Variants in BTN2A2 observed in about 807,000 individuals in gnomAD.
BTN2A2 encodes the protein butyrophilin subfamily 2 member A2, also known as butyrophilin 2.
In BTN2A2, 29 loss-of-function variants were observed where a neutral mutation model predicts 34.7. The observed-to-expected ratio is 0.84, with a 90% CI of 0.62 to 1.14. The LOEUF (loss-of-function observed/expected upper bound fraction) is 1.14. Ranked by LOEUF, BTN2A2 falls within the 50% of genes most tolerant of loss-of-function variation. The probability of loss-of-function intolerance (pLI) is 0.00; values close to 1 mark genes in which losing one functional copy is unlikely to be tolerated. For synonymous variants in BTN2A2, 240 were observed against 253.1 expected (o/e 0.95, Z 0.49); for missense variants, 612 against 651.5 (o/e 0.94, Z 0.66).
chr6:26,390,252 A>C, intron 5 of BTN2A2, 41 bp downstream of exon 5: 1 of 1,579,926 alleles, frequency 6.3e-7, no homozygotes, highest in Non-Finnish European at 8.6e-7. Flanking sequence ...ATAGAAAGAA[A>C]TTCAAAAAGA....
chr6:26,388,081 T>A lies in BTN2A2; in HGVS notation c.511T>A (p.Ser171Thr). The A allele has an allele frequency of 6.2e-7, 1 of 1,614,042 alleles. No homozygotes were observed. The highest frequency in any genetic ancestry group is 8.5e-7 in the Non-Finnish European group (1 of 1,179,990). The change falls in exon 4 of 8, where the codon TCT (serine) becomes ACT (threonine). Residue 171 changes from serine to threonine, a missense_variant. Coordinates refer to ENST00000356709, the MANE Select transcript of BTN2A2 (RefSeq NM_006995.5). The stretch of plus-strand genomic sequence containing the variant: ...TGGGAGCATCTGGCTGGAGTGCATA[T>A]CTGGAGGGTGGTACCCAGAGCCCCT... ...EDGSIWLECI[S>T]GGWYPEPLTV...
rs1156599160 is a variant in BTN2A2, at chr6:26,392,446, C to T, written c.1051C>T (p.Arg351Trp). Residue 351 changes from arginine to tryptophan, a missense_variant, in exon 8 of 8, where the codon CGG becomes TGG. Coordinates refer to ENST00000356709, the MANE Select transcript of BTN2A2 (RefSeq NM_006995.5). ...GTCAGAGGACCGGAGAAGTGTGAGG[C>T]GGGGCCCCTACAGGCAGAGAGTGCC... Reference protein sequence around the residue: ...FLSEDRRSVRRGPYRQRVPDN... With the variant: ...FLSEDRRSVRWGPYRQRVPDN... 1.1e-5 allele frequency: 18 copies of T among 1,614,088 alleles called. No individual in the cohort carries two copies. The highest frequency in any genetic ancestry group is 1.7e-5 in the Admixed American group (1 of 60,006).
chr6:26,383,891 C>T lies in BTN2A2; in HGVS notation c.70C>T (p.Leu24Phe). The change falls in exon 2 of 8, where the codon CTC becomes TTC. Residue 24 changes from leucine (L) to phenylalanine (F), a missense_variant. Leu to Phe is a conservative substitution (Grantham distance 22). Coordinates refer to ENST00000356709, the MANE Select transcript of BTN2A2 (RefSeq NM_006995.5). The surrounding 1 kb of genome is among the most constrained non-coding windows in gnomAD (Gnocchi z 4.4). ...CCTCCTCCTCCTGCTCCTCCTCCTT[C>T]TCAGCCTGTGTGCACTGGTCTCAGG... ...SLLLLLLLLL[L>F]SLCALVSAQF... is the part of the protein sequence containing the mutation. The T allele has an allele frequency of 6.2e-7, 1 of 1,614,190 alleles. No homozygotes were observed. Among genetic ancestry groups the T allele is most frequent in the Non-Finnish European group, 8.5e-7 (1 of 1,180,028 alleles).
chr6:26,386,534 G>A (rs9467745), intron 3 of BTN2A2, among the ~76,000 whole-genome samples: 45,644 of 152,028 alleles, frequency 0.3, 9,531 homozygotes, highest in African/African-American at 0.6. Context: ...ACAGAATATC[G>A]TGGATGGAGG....
At position 26,388,186 on chromosome 6, in the gene BTN2A2, A is replaced by C. The variant is rs778014794; in HGVS notation, c.616A>C (p.Met206Leu). 2.5e-6 allele frequency: 4 copies of C among 1,614,168 alleles called. No homozygotes were observed. The highest frequency in any genetic ancestry group is 2.2e-5 in the East Asian group (1 of 44,892). Residue 206 changes from methionine to leucine, a missense_variant, in exon 4 of 8, where the codon ATG becomes CTG. By Grantham distance (15) the Met-to-Leu change is conservative. Transcript: ENST00000356709. ...VSIADADGLF[M>L]VTTAVIIRDK... Reference sequence around the variant, plus strand: ...CATCGCTGATGCTGACGGCCTCTTCATGGTCACCACAGCTGTGATCATCAG... The same window carrying C: ...CATCGCTGATGCTGACGGCCTCTTCCTGGTCACCACAGCTGTGATCATCAG...
rs1404570557 is a variant in BTN2A2 at position 26,384,868 on chromosome 6, A to C, written c.95-147A>C. Reference sequence around the variant, plus strand: ...GCTACTGGTCCCCAGAAGGGTTCTCAGCCCAAGAACCCCTGTAGCCTTGGA... The same window carrying C: ...GCTACTGGTCCCCAGAAGGGTTCTCCGCCCAAGAACCCCTGTAGCCTTGGA... On this transcript the variant is annotated intron_variant, in intron 2 of 7. Coordinates refer to ENST00000356709, the MANE Select transcript of BTN2A2 (RefSeq NM_006995.5). This position sits in a 1 kb window ranked among gnomAD's most constrained non-coding sequence, Gnocchi z 4.0. The C allele has an allele frequency of 2.3e-6, 2 of 874,026 alleles. No homozygotes were observed. The highest frequency in any genetic ancestry group is 3.4e-6 in the Non-Finnish European group (2 of 582,660). The allele number at this position is 874,026 out of a possible 1,614,324, so 54.1% of individuals were successfully genotyped here.
intron 4 of BTN2A2, among the ~76,000 whole-genome samples, chr6:26,389,258 G>C (rs544228568): frequency 2.6e-5 from 4 of 152,204 alleles, no homozygotes; most frequent in Non-Finnish European, 5.9e-5. Flanking sequence ...AGAGAAAATA[G>C]AGAGTTCCAG....
In BTN2A2 at chr6:26,390,001, T is replaced by G; in HGVS notation, c.725-4T>G. 1.2e-6 allele frequency: 2 copies of G among 1,610,238 alleles called. No individual in the cohort carries two copies. The highest frequency in any genetic ancestry group is 1.7e-6 in the Non-Finnish European group (2 of 1,178,308). On this transcript the variant is annotated splice_polypyrimidine_tract_variant and splice_region_variant and intron_variant, in intron 4 of 7. Transcript: ENST00000356709. ...TAAATGGACTTTTCTGGCTGCCTTT[T>G]CAGAATCCTTTATGCCCAGCGCATC...
chr6:26,393,127 G>C lies in BTN2A2; in HGVS notation c.*160G>C. On this transcript the variant is annotated 3_prime_UTR_variant, in exon 8 of 8. Coordinates refer to ENST00000356709, the MANE Select transcript of BTN2A2 (RefSeq NM_006995.5). ...ACACCCACTCCAGCCCTCTGCCCCA[G>C]TTTTCTCCTCCTCACTAGTCTGTGG... is the stretch of plus-strand genomic sequence containing the variant. 4 of 1,606,676 alleles carry C rather than the reference G, an allele frequency of 2.5e-6. No homozygotes were observed. Among genetic ancestry groups the C allele is most frequent in the Non-Finnish European group, 3.4e-6 (4 of 1,176,392 alleles).
Position 26,393,361 on chromosome 6 carries a change from G to A in BTN2A2, c.*394G>A. 8.6e-7 allele frequency: 1 copy of A among 1,168,016 alleles called. No individual in the cohort carries two copies. 72.4% of individuals were successfully genotyped at this position (1,168,016 alleles called of 1,614,324 possible). Reference sequence around the variant, plus strand: ...TGAGGCCAACAGGGTTCACCAGGATGAGAGAGGAGAGAGGAATCCACAGGA... The same window carrying A: ...TGAGGCCAACAGGGTTCACCAGGATAAGAGAGGAGAGAGGAATCCACAGGA... On this transcript the variant is annotated 3_prime_UTR_variant, in exon 8 of 8. Coordinates refer to ENST00000356709, the MANE Select transcript of BTN2A2 (RefSeq NM_006995.5).
At position 26,384,950 on chromosome 6, in the gene BTN2A2, T is replaced by C; in HGVS notation, c.95-65T>C. ...TTTGTTTGTTTGTTTTTGTTTTTTG[T>C]TTTTTGTTTTGCCTTAGAGTTGTGA... is the stretch of plus-strand genomic sequence containing the variant. On this transcript the variant is annotated intron_variant, in intron 2 of 7. Coordinates refer to ENST00000356709, the MANE Select transcript of BTN2A2 (RefSeq NM_006995.5). This position sits in a 1 kb window ranked among gnomAD's most constrained non-coding sequence, Gnocchi z 4.0. The C allele has an allele frequency of 6.7e-7, 1 of 1,485,768 alleles. No individual in the cohort carries two copies. The highest frequency in any genetic ancestry group is 9.1e-7 in the Non-Finnish European group (1 of 1,101,210). The allele number at this position is 1,485,768 out of a possible 1,614,324, so 92.0% of individuals were successfully genotyped here.
chr6:26,384,157 T>A lies in BTN2A2; in HGVS notation c.94+242T>A, dbSNP rs953316858. The stretch of plus-strand genomic sequence containing the variant: ...ACTTTTTATTTATTTGTTTATTTAT[T>A]TAAGAGAGAGTATATTGCTCTGTTG... On this transcript the variant is annotated intron_variant, in intron 2 of 7. Coordinates refer to ENST00000356709, the MANE Select transcript of BTN2A2 (RefSeq NM_006995.5). The surrounding 1 kb of genome is among the most constrained non-coding windows in gnomAD (Gnocchi z 4.0). 2.0e-5 allele frequency among the ~76,000 whole-genome samples: 3 copies of A among 152,318 alleles called. No homozygotes were observed. Among genetic ancestry groups the A allele is most frequent in the Admixed American group, 1.3e-4 (2 of 15,306 alleles).
rs1761002228 is a variant in BTN2A2 at position 26,383,705 on chromosome 6, A to T, written c.-30-87A>T. ...TCCCAGAAGTTGGGGCACCGATGAGACCTACTTGAGTGACAGGAGAGGTTG... is the reference window on the plus strand; with the variant it reads ...TCCCAGAAGTTGGGGCACCGATGAGTCCTACTTGAGTGACAGGAGAGGTTG... On this transcript the variant is annotated intron_variant, in intron 1 of 7. Transcript: ENST00000356709. The surrounding 1 kb of genome is among the most constrained non-coding windows in gnomAD (Gnocchi z 4.4). 2.0e-6 allele frequency: 2 copies of T among 1,001,424 alleles called. No individual in the cohort carries two copies. The highest frequency in any genetic ancestry group is 3.1e-6 in the Non-Finnish European group (2 of 641,284). The allele number at this position is 1,001,424 out of a possible 1,614,324, so 62.0% of individuals were successfully genotyped here.
In BTN2A2 at chr6:26,383,772, C is replaced by G; in HGVS notation, c.-30-20C>G. 1 of 1,576,920 alleles carries G rather than the reference C, an allele frequency of 6.3e-7. No individual in the cohort carries two copies. The highest frequency in any genetic ancestry group is 8.7e-7 in the Non-Finnish European group (1 of 1,146,496). On this transcript the variant is annotated intron_variant, in intron 1 of 7. Transcript: ENST00000356709. This position sits in a 1 kb window ranked among gnomAD's most constrained non-coding sequence, Gnocchi z 4.4. ...AGGTGCCAAGACTCCTAGGCTGATT[C>G]TCCTCCTCTGTAACCCTAGGCCTCT...
chr6:26,391,022 A>C, intron 7 of BTN2A2, 193 bp downstream of exon 7: 1 of 760,682 alleles, frequency 1.3e-6, no homozygotes, highest in South Asian at 1.7e-5. Flanking sequence ...GCTCTTAATG[A>C]ACCCTGCAGT....
In BTN2A2 at chr6:26,388,235, C is replaced by A. The variant is rs145439434; in HGVS notation, c.665C>A (p.Ser222Tyr). 28 of 1,614,046 alleles carry A rather than the reference C, an allele frequency of 1.7e-5. No homozygotes were observed. In the East Asian group the frequency reaches 6.0e-4, roughly 35 times the overall value. The change falls in exon 4 of 8, where the codon TCC (serine) becomes TAC (tyrosine). Residue 222 changes from serine (S) to tyrosine (Y), a missense_variant. Transcript: ENST00000356709. Reference sequence around the variant, plus strand: ...AGAGACAAGTATGTGAGGAATGTGTCCTGCTCTGTCAACAACACCCTGCTC... The same window carrying A: ...AGAGACAAGTATGTGAGGAATGTGTACTGCTCTGTCAACAACACCCTGCTC... ...IIRDKYVRNV[S>Y]CSVNNTLLGQ...
rs1226337330 is a variant in BTN2A2 at position 26,393,411 on chromosome 6, A to G, written c.*444A>G. ...ACCACCAGAAGGGAGAGGGAACCAG[A>G]TATGCAGATCAGAGATAGAGGAAGT... On this transcript the variant is annotated 3_prime_UTR_variant, in exon 8 of 8. Coordinates refer to ENST00000356709, the MANE Select transcript of BTN2A2 (RefSeq NM_006995.5). The G allele has an allele frequency of 2.7e-6, 3 of 1,119,616 alleles. No individual in the cohort carries two copies. The highest frequency in any genetic ancestry group is 1.6e-5 in the African/African-American group (1 of 61,268). The allele number at this position is 1,119,616 out of a possible 1,614,324, so 69.4% of individuals were successfully genotyped here. A position where few individuals can be genotyped will look rare whatever the true frequency, so the allele number is the denominator to read the frequency against.
intron 4 of BTN2A2, among the ~76,000 whole-genome samples, chr6:26,388,584 T>C (rs184852488): frequency 2.4e-4 from 37 of 152,230 alleles, no homozygotes; most frequent in Admixed American, 2.0e-3. Context: ...CCATCAAACC[T>C]GGAGAGTAGT....
At chr6:26,388,935 G>A (rs1761392965) in intron 4 of BTN2A2, among the ~76,000 whole-genome samples, 1 of 152,104 alleles carries the variant, frequency 6.6e-6, no homozygotes, top group Admixed American at 6.5e-5. Flanking sequence ...GCCTGGCCAA[G>A]ATGGTGAAAC....
Sources: gnomAD v4.1 joint callset for allele counts (sites outside exome capture counted in the v4.1 genomes callset) on GRCh38, gnomAD v4.1.1 for gene constraint, Gnocchi (gnomAD v3.1) non-coding constraint, MANE v1.5 for transcripts, NCBI Gene and HGNC (gene_info 2026-07-23, HGNC 2026-07-21) for gene names.